KCNQ4: variants seen among roughly 807,000 people sequenced by gnomAD.
KCNQ4 encodes the protein potassium voltage-gated channel subfamily KQT member 4.
In KCNQ4, 31 loss-of-function variants were observed where a neutral mutation model predicts 72.6. That is an observed-to-expected ratio of 0.43 (90% confidence interval 0.32 to 0.58). The LOEUF is 0.58. Among genes scored for constraint, KCNQ4 ranks in the 20% least tolerant of loss-of-function variants. The pLI is 0.08. For missense variants in KCNQ4, 869 were observed against 962.6 expected (o/e 0.90, Z 1.29); for synonymous variants, 405 against 403.7 (o/e 1.00, Z -0.04).
chr1:40,809,213 T>C (rs1647853664), intron 1 of KCNQ4, among the ~76,000 whole-genome samples: 1 of 152,230 alleles, frequency 6.6e-6, no homozygotes, highest in Non-Finnish European at 1.5e-5. Flanking sequence ...CCAGTCTGCG[T>C]AGAGGGCCTC....
intron 12 of KCNQ4, among the ~76,000 whole-genome samples, chr1:40,837,392 C>CTCCTAGTCCA (rs377415488): frequency 5.9e-5 from 9 of 152,362 alleles, no homozygotes; most frequent in African/African-American, 1.9e-4. Context: ...TGCGCTGGGC[C>CTCCTAGTCCA]TCCTAGTCCA....
rs749565877 is a variant in KCNQ4, at chr1:40,838,441, A to G, written c.2006A>G (p.His669Arg). The part of the protein sequence containing the change: ...LFDPDITSDY[H>R]SPVDHEDISV... Reference sequence around the variant, plus strand: ...GACCCCGACATCACCTCCGACTACCACAGCCCTGTGGACCACGAGGACATC... The same window carrying G: ...GACCCCGACATCACCTCCGACTACCGCAGCCCTGTGGACCACGAGGACATC... The change falls in exon 14 of 14, where the codon CAC (histidine) becomes CGC (arginine). Residue 669 changes from histidine to arginine, a missense_variant. Physicochemically the swap from His to Arg is conservative, Grantham distance 29. This residue lies in a region of KCNQ4 where 480 missense variants were observed against 501.9 expected (regional missense o/e 0.96). Transcript: ENST00000347132. The G allele has an allele frequency of 8.5e-5, 137 of 1,613,944 alleles. 1 individual carries two copies. The South Asian group carries it at 1.0e-3, about 12-fold the overall frequency.
At chr1:40,823,959 C>A in intron 8 of KCNQ4, 138 bp from the exon 9 acceptor site, 1 of 954,718 alleles carries the variant, frequency 1.0e-6, no homozygotes, top group Non-Finnish European at 1.6e-6. Context: ...CCACCCTGTC[C>A]TATTCTGGCC....
At position 40,831,315 on chromosome 1, in the gene KCNQ4, G is replaced by A. The variant is rs370136815; in HGVS notation, c.1513+11G>A. ...GCACCTCTGCTGAGGGTAAGCCCCC[G>A]GGGGGCTGAGTCCGATCGAGGGCCG... On this transcript the variant is annotated intron_variant, in intron 10 of 13. Coordinates refer to ENST00000347132, the MANE Select transcript of KCNQ4 (RefSeq NM_004700.4). 1.2e-4 allele frequency: 187 copies of A among 1,578,144 alleles called. No homozygotes were observed. The highest frequency in any genetic ancestry group is 1.1e-3 in the African/African-American group (85 of 74,464).
At chr1:40,802,455 T>A (rs997819385) in intron 1 of KCNQ4, among the ~76,000 whole-genome samples, 1 of 151,756 alleles carries the variant, frequency 6.6e-6, no homozygotes, top group African/African-American at 2.4e-5. Context: ...CCCCGGCCCC[T>A]CCCGCTCTCG....
chr1:40,818,898 AG>A, intron 4 of KCNQ4: 1 of 575,066 alleles, frequency 1.7e-6, no homozygotes. Context: ...GGACCGGATC[AG>A]GGGGCGGGGC....
intron 1 of KCNQ4, among the ~76,000 whole-genome samples, chr1:40,807,962 C>CA (rs56145126): frequency 0.37 from 56,078 of 151,692 alleles, 10,632 homozygotes; most frequent in African/African-American, 0.39. Context: ...TACTAAAAAT[C>CA]AAAAAAAATT....
At chr1:40,808,199 A>AAGGAAGGAGGCTCTGG (rs1553166632) in intron 1 of KCNQ4, among the ~76,000 whole-genome samples, 4 of 151,934 alleles carry the variant, frequency 2.6e-5, no homozygotes, top group African/African-American at 9.7e-5. Flanking sequence ...AAGACGAGGG[A>AAGGAAGGAGGCTCTGG]AGGAAGGAGG....
chr1:40,810,667 A>G (rs1647909255), intron 1 of KCNQ4, among the ~76,000 whole-genome samples: 2 of 152,148 alleles, frequency 1.3e-5, no homozygotes. Context: ...ACACTGGGCA[A>G]ACGCCCAGTG....
chr1:40,826,157 ACACACTCGGTTGGC>A (rs1648472233), intron 9 of KCNQ4, among the ~76,000 whole-genome samples: 2 of 152,154 alleles, frequency 1.3e-5, no homozygotes, highest in South Asian at 4.1e-4. Flanking sequence ...ACACACATAT[ACACACTCGGTTGGC>A]CACACCTCTG....
intron 3 of KCNQ4, 65 bp from the exon 4 acceptor site, chr1:40,818,440 G>C: frequency 6.7e-7 from 1 of 1,483,754 alleles, no homozygotes. Context: ...ATCCCCAGAA[G>C]TCCCCGCCTC....
At chr1:40,791,836 C>A (rs945434791) in intron 1 of KCNQ4, among the ~76,000 whole-genome samples, 1 of 152,162 alleles carries the variant, frequency 6.6e-6, no homozygotes, top group Non-Finnish European at 1.5e-5. Context: ...GGTCAGACAG[C>A]AGGAAGGACT....
At chr1:40,826,037 G>T (rs1203105171) in intron 9 of KCNQ4, among the ~76,000 whole-genome samples, 1 of 152,162 alleles carries the variant, frequency 6.6e-6, no homozygotes, top group African/African-American at 2.4e-5. Flanking sequence ...GACCCCAGGG[G>T]GCTGAGCCAT....
Position 40,838,844 on chromosome 1 carries a change from G to C in KCNQ4, c.*321G>C. The C allele has an allele frequency of 2.2e-6, 1 of 455,430 alleles. No individual in the cohort carries two copies. The highest frequency in any genetic ancestry group is 4.2e-5 in the East Asian group (1 of 23,952). 28.2% of individuals were successfully genotyped at this position (455,430 alleles called of 1,614,324 possible). On this transcript the variant is annotated 3_prime_UTR_variant, in exon 14 of 14. Transcript: ENST00000347132. ...CTGGCAGGGGCACAGCCCCGGGAGTGGGAGCGGGCGCTGGGGCCCTGGGCC... is the reference window on the plus strand; with the variant it reads ...CTGGCAGGGGCACAGCCCCGGGAGTCGGAGCGGGCGCTGGGGCCCTGGGCC...
chr1:40,816,065 C>T (rs1278986386), intron 1 of KCNQ4, among the ~76,000 whole-genome samples: 1 of 152,138 alleles, frequency 6.6e-6, no homozygotes, highest in Non-Finnish European at 1.5e-5. Flanking sequence ...CATTTGTGTT[C>T]CTGTAGGCGT....
rs193193996 is a variant in KCNQ4, at chr1:40,815,102, C to T, written c.315-2163C>T. Reference sequence around the variant, plus strand: ...TAAAAATACAAAAATTAGCTGGGCACGGTGGCATGTGCCTGTAGCCCCAGC... The same window carrying T: ...TAAAAATACAAAAATTAGCTGGGCATGGTGGCATGTGCCTGTAGCCCCAGC... On this transcript the variant is annotated intron_variant, in intron 1 of 13. Coordinates refer to ENST00000347132, the MANE Select transcript of KCNQ4 (RefSeq NM_004700.4). Among the ~76,000 whole-genome samples, 279 of 151,652 alleles carry T rather than the reference C, an allele frequency of 1.8e-3. 2 individuals are homozygous for T. Among genetic ancestry groups the T allele is most frequent in the African/African-American group, 6.5e-3 (267 of 41,306 alleles).
chr1:40,826,725 C>G (rs1227186523), intron 9 of KCNQ4: 6 of 450,944 alleles, frequency 1.3e-5, no homozygotes, highest in Non-Finnish European at 2.2e-5. Context: ...CCTGTCCCCA[C>G]TCCTCCTTGC....
Position 40,817,431 on chromosome 1 carries a change from G to A in KCNQ4, c.405+76G>A, listed in dbSNP as rs948488903. 1 of 1,131,764 alleles carries A rather than the reference G, an allele frequency of 8.8e-7. No individual in the cohort carries two copies. Among genetic ancestry groups the A allele is most frequent in the Non-Finnish European group, 1.3e-6 (1 of 774,714 alleles). The allele number at this position is 1,131,764 out of a possible 1,614,324, so 70.1% of individuals were successfully genotyped here. ...TGGGCTGGGAGTCCGGGACTGAGGG[G>A]GGCTGTGTGAGGTAGCACCTCTGGG... On this transcript the variant is annotated intron_variant, in intron 2 of 13. Coordinates refer to ENST00000347132, the MANE Select transcript of KCNQ4 (RefSeq NM_004700.4). The surrounding 1 kb of genome is among the most constrained non-coding windows in gnomAD (Gnocchi z 5.5).
In KCNQ4 at chr1:40,784,417, C is replaced by CGACCCCGCGCCCTTCCGCGT. The variant is rs1557977931; in HGVS notation, c.314+11_314+30dup. Reference sequence around the variant, plus strand: ...TCTACCACGTCTTCATGTGAGTTTGCGACCCCGCGCCCTTCCGCGTTTCCC... The same window carrying CGACCCCGCGCCCTTCCGCGT: ...TCTACCACGTCTTCATGTGAGTTTGCGACCCCGCGCCCTTCCGCGTGACCCCGCGCCCTTCCGCGTTTCCC... On this transcript the variant is annotated intron_variant, in intron 1 of 13. Transcript: ENST00000347132. The surrounding 1 kb of genome is among the most constrained non-coding windows in gnomAD (Gnocchi z 4.1). 1 of 1,605,362 alleles carries CGACCCCGCGCCCTTCCGCGT rather than the reference C, an allele frequency of 6.2e-7. No individual in the cohort carries two copies. Among genetic ancestry groups the CGACCCCGCGCCCTTCCGCGT allele is most frequent in the Non-Finnish European group, 8.5e-7 (1 of 1,177,810 alleles).
Sources: allele counts gnomAD v4.1 joint callset (sites outside exome capture counted in the v4.1 genomes callset), GRCh38; gene constraint gnomAD v4.1.1; regional missense constraint gnomAD v4.1.1; non-coding constraint Gnocchi (gnomAD v3.1); transcripts MANE v1.5; gene names NCBI Gene and HGNC (gene_info 2026-07-23, HGNC 2026-07-21).